Variants in SGK1 observed in about 807,000 individuals in gnomAD.
SGK1 encodes the protein serine/threonine-protein kinase Sgk1.
A neutral mutation model predicts 64.2 loss-of-function variants in SGK1; 26 were observed. The observed-to-expected ratio is 0.40, with a 90% CI of 0.30 to 0.56. The LOEUF (loss-of-function observed/expected upper bound fraction) is 0.56. Ranked by LOEUF, SGK1 falls within the 20% of genes least tolerant of loss-of-function variation. The pLI is 0.38. For missense variants in SGK1, 519 were observed against 645.6 expected (o/e 0.80, Z 2.12); for synonymous variants, 265 against 239.7 (o/e 1.11, Z -0.98).
At chr6:134,219,567 C>A (rs890831424) in intron 2 of SGK1, among the ~76,000 whole-genome samples, 3 of 151,666 alleles carry the variant, frequency 2.0e-5, no homozygotes, top group African/African-American at 7.3e-5. Flanking sequence ...TCGAGACCAG[C>A]CTGACCAACA....
At chr6:134,199,663 GA>G (rs202059197) in intron 3 of SGK1, among the ~76,000 whole-genome samples, 2 of 144,340 alleles carry the variant, frequency 1.4e-5, no homozygotes, top group South Asian at 2.2e-4. Context: ...AATAAATGTA[GA>G]AAAAAATATA....
chr6:134,180,082 T>C (rs1017066895), intron 3 of SGK1, among the ~76,000 whole-genome samples: 6 of 152,006 alleles, frequency 3.9e-5, no homozygotes, highest in Non-Finnish European at 5.9e-5. Context: ...GACTCCTGAG[T>C]AGCTGGGACC....
At chr6:134,265,490 A>AT (rs1207798927) in intron 1 of SGK1, among the ~76,000 whole-genome samples, 13 of 148,058 alleles carry the variant, frequency 8.8e-5, no homozygotes, top group African/African-American at 2.5e-4. Flanking sequence ...CAAACAAAAA[A>AT]AATATATATA....
At chr6:134,255,504 G>A (rs1776669587) in intron 2 of SGK1, among the ~76,000 whole-genome samples, 1 of 151,086 alleles carries the variant, frequency 6.6e-6, no homozygotes, top group Admixed American at 6.6e-5. Flanking sequence ...CCAACATCAC[G>A]TCACTGCACT....
rs569455706 is a variant in SGK1 at position 134,290,563 on chromosome 6, C to T, written c.69+26829G>A. Among the ~76,000 whole-genome samples the T allele has an allele frequency of 1.3e-3, 194 of 151,774 alleles. 3 individuals carry two copies. In the South Asian group the frequency reaches 0.038, roughly 30 times the overall value. On this transcript the variant is annotated intron_variant, in intron 1 of 13. Coordinates refer to ENST00000367858, the MANE Select transcript of SGK1 (RefSeq NM_001143676.3). ...TGGTTGTGAGTTGAGCAAGCAGAGA[C>T]AGAAAAAATGAAGAGTGTAGTTCAC...
chr6:134,299,471 G>C (rs1777413098), intron 1 of SGK1, among the ~76,000 whole-genome samples: 1 of 152,200 alleles, frequency 6.6e-6, no homozygotes, highest in African/African-American at 2.4e-5. Context: ...TAAGTGTGGA[G>C]TAAGGGTGAA....
At chr6:134,199,406 A>G (rs1775646688) in intron 3 of SGK1, among the ~76,000 whole-genome samples, 1 of 152,002 alleles carries the variant, frequency 6.6e-6, no homozygotes, top group Non-Finnish European at 1.5e-5. Context: ...TAAAAATACA[A>G]AAATTAGCCA....
Position 134,255,423 on chromosome 6 carries a change from C to A in SGK1, c.285+6510G>T, listed in dbSNP as rs539397092. Among the ~76,000 whole-genome samples, 140 of 151,850 alleles carry A rather than the reference C, an allele frequency of 9.2e-4. 1 individual carries two copies. Among genetic ancestry groups the A allele is most frequent in the African/African-American group, 3.2e-3 (133 of 41,436 alleles). ...CCCAGCTGGGCTCAGTGGTTCATGC[C>A]TATAATCCCAGCACTTTGGGAGGCT... On this transcript the variant is annotated intron_variant, in intron 2 of 13. Coordinates refer to ENST00000367858, the MANE Select transcript of SGK1 (RefSeq NM_001143676.3).
chr6:134,171,204 G>T, intron 11 of SGK1, 26 bp from the exon 12 acceptor site: 1 of 1,610,572 alleles, frequency 6.2e-7, no homozygotes, highest in Non-Finnish European at 8.5e-7. Flanking sequence ...AATTACTTTA[G>T]ACTTAATTGG....
chr6:134,302,131 T>C (rs1777467920), intron 1 of SGK1, among the ~76,000 whole-genome samples: 1 of 152,206 alleles, frequency 6.6e-6, no homozygotes, highest in Non-Finnish European at 1.5e-5. Context: ...GGACTTTAAG[T>C]CTTTATGTAA....
At chr6:134,178,512 C>T (rs1216679928) in intron 3 of SGK1, among the ~76,000 whole-genome samples, 1 of 152,218 alleles carries the variant, frequency 6.6e-6, no homozygotes, top group African/African-American at 2.4e-5. Flanking sequence ...AACTCTTGAT[C>T]TGTTCTTCCT....
At chr6:134,196,576 G>A (rs539218785) in intron 3 of SGK1, among the ~76,000 whole-genome samples, 61 of 152,294 alleles carry the variant, frequency 4.0e-4, no homozygotes, top group African/African-American at 1.4e-3. Flanking sequence ...AAGAATTCAC[G>A]ACACAACCAC....
rs1177759279 is a variant in SGK1 at position 134,207,347 on chromosome 6, C to A, written c.361+9G>T. 4 of 1,586,248 alleles carry A rather than the reference C, an allele frequency of 2.5e-6. No homozygotes were observed. Among genetic ancestry groups the A allele is most frequent in the African/African-American group, 1.3e-5 (1 of 74,318 alleles). On this transcript the variant is annotated intron_variant, in intron 3 of 13. Transcript: ENST00000367858. ...TAACAGGAAACAGGTTGTATTTTTCCAATAATACCTGGATCATCATTAGTC... is the reference window on the plus strand; with the variant it reads ...TAACAGGAAACAGGTTGTATTTTTCAAATAATACCTGGATCATCATTAGTC...
intron 3 of SGK1, among the ~76,000 whole-genome samples, chr6:134,178,576 C>G (rs934855219): frequency 3.7e-4 from 56 of 152,236 alleles, no homozygotes; most frequent in African/African-American, 1.2e-3. Flanking sequence ...TGGGAGGAAT[C>G]CGGCCCCTTT....
At chr6:134,174,872 G>A in intron 3 of SGK1, 7 of 1,609,228 alleles carry the variant, frequency 4.3e-6, no homozygotes, top group Non-Finnish European at 5.9e-6. Context: ...GCTGCGCCAG[G>A]CCGCGCGCTC....
At chr6:134,253,109 G>A (rs1479517928) in intron 2 of SGK1, among the ~76,000 whole-genome samples, 1 of 152,130 alleles carries the variant, frequency 6.6e-6, no homozygotes, top group African/African-American at 2.4e-5. Context: ...ACAATTTTGA[G>A]AAGAAATATA....
At chr6:134,272,344 G>A (rs1776952884) in intron 1 of SGK1, among the ~76,000 whole-genome samples, 1 of 139,756 alleles carries the variant, frequency 7.2e-6, no homozygotes, top group Non-Finnish European at 1.6e-5. Context: ...AGTAGAGATG[G>A]GGTTTCACCA....
chr6:134,296,482 G>A (rs922179076), intron 1 of SGK1, among the ~76,000 whole-genome samples: 1 of 152,000 alleles, frequency 6.6e-6, no homozygotes, highest in Non-Finnish European at 1.5e-5. Flanking sequence ...TTGGAAGGCA[G>A]CTATGCTCAC....
At chr6:134,271,986 C>T (rs1776946109) in intron 1 of SGK1, among the ~76,000 whole-genome samples, 1 of 146,150 alleles carries the variant, frequency 6.8e-6, no homozygotes. Context: ...GGACTACAGG[C>T]ACACACCACC....
Sources: allele counts gnomAD v4.1 joint callset (sites outside exome capture counted in the v4.1 genomes callset), GRCh38; gene constraint gnomAD v4.1.1; transcripts MANE v1.5; gene names NCBI Gene and HGNC (gene_info 2026-07-23, HGNC 2026-07-21).